Variants in FYN observed in about 807,000 individuals in gnomAD.
FYN encodes tyrosine-protein kinase Fyn.
Under a neutral mutation model 70.2 loss-of-function variants are expected in FYN, and 10 were observed. The observed-to-expected ratio is 0.14, with a 90% CI of 0.09 to 0.24. The LOEUF (loss-of-function observed/expected upper bound fraction) is 0.24. Among genes scored for constraint, FYN ranks in the 10% least tolerant of loss-of-function variants. The pLI, the probability that FYN is intolerant of heterozygous loss-of-function variation, is 1.00. For synonymous variants in FYN, 236 were observed against 248.6 expected, an observed-to-expected ratio of 0.95 and a Z score of 0.48; for missense variants, 319 against 673.1, an observed-to-expected ratio of 0.47 and a Z score of 5.82.
intron 4 of FYN, among the ~76,000 whole-genome samples, chr6:111,719,310 CAAAAAAA>C (rs770724122): frequency 5.6e-4 from 34 of 60,208 alleles, no homozygotes; most frequent in African/African-American, 8.4e-4. Context: ...AGGAAACTTC[CAAAAAAA>C]AAAAAAAAAG....
chr6:111,868,223 T>C (rs1468398080), intron 1 of FYN, among the ~76,000 whole-genome samples: 1 of 152,084 alleles, frequency 6.6e-6, no homozygotes, highest in African/African-American at 2.4e-5. Flanking sequence ...AGAGACTCCT[T>C]TATAGCTCTG....
chr6:111,732,447 C>T (rs1801507316), intron 3 of FYN, among the ~76,000 whole-genome samples: 1 of 152,204 alleles, frequency 6.6e-6, no homozygotes, highest in African/African-American at 2.4e-5. Context: ...GGCAATCTTG[C>T]AGCCCAAATC....
chr6:111,696,195 G>T, intron 10 of FYN, 82 bp downstream of exon 10: 1 of 1,194,906 alleles, frequency 8.4e-7, no homozygotes, highest in Non-Finnish European at 1.1e-6. Context: ...TAGAAAAGTA[G>T]CAAGTAGGAA....
intron 12 of FYN, among the ~76,000 whole-genome samples, chr6:111,680,526 C>CT (rs1203835213): frequency 6.6e-6 from 1 of 152,188 alleles, no homozygotes; most frequent in Admixed American, 6.5e-5. Context: ...TTCCCCTTGT[C>CT]TTTTAAAACA....
chr6:111,797,704 A>G (rs1378894840), intron 2 of FYN, among the ~76,000 whole-genome samples: 8 of 108,844 alleles, frequency 7.3e-5, no homozygotes, highest in African/African-American at 3.2e-4. Flanking sequence ...ATATATATAT[A>G]TATATATACA....
intron 13 of FYN, among the ~76,000 whole-genome samples, chr6:111,671,674 C>T (rs2237256): frequency 0.032 from 4,936 of 152,224 alleles, 116 homozygotes; most frequent in East Asian, 0.096. Context: ...GGCACAAAGA[C>T]GCAACGTGGG....
Position 111,823,197 on chromosome 6 carries a change from T to C in FYN, c.-82+23392A>G, listed in dbSNP as rs188994525. On this transcript the variant is annotated intron_variant, in intron 2 of 13. Coordinates refer to ENST00000354650, the MANE Select transcript of FYN (RefSeq NM_002037.5). ...GAATGGCAACCAACACTTGTGGCCA[T>C]AGGCTACAGGTGTGGGGACCCACAG... 4.5e-4 allele frequency among the ~76,000 whole-genome samples: 68 copies of C among 152,304 alleles called. 1 individual carries two copies. Among genetic ancestry groups the C allele is most frequent in the Middle Eastern group, 3.4e-3 (1 of 294 alleles).
At chr6:111,665,692 G>A (rs1223878671) in intron 13 of FYN, among the ~76,000 whole-genome samples, 1 of 151,980 alleles carries the variant, frequency 6.6e-6, no homozygotes, top group Non-Finnish European at 1.5e-5. Context: ...TGTGATCTCG[G>A]CTCACTGCAG....
intron 3 of FYN, among the ~76,000 whole-genome samples, chr6:111,772,625 G>A (rs1583429015): frequency 1.3e-5 from 2 of 152,200 alleles, no homozygotes; most frequent in African/African-American, 4.8e-5. Context: ...GGCAAAAGAT[G>A]TTTAACCTCC....
intron 3 of FYN, chr6:111,754,295 G>C (rs1802615631): frequency 6.6e-6 from 1 of 152,160 alleles, no homozygotes; most frequent in Admixed American, 6.5e-5. Context: ...GAGGGGTACT[G>C]TGCCCATGAC....
At chr6:111,734,563 C>G (rs1322522749) in intron 3 of FYN, among the ~76,000 whole-genome samples, 4 of 152,162 alleles carry the variant, frequency 2.6e-5, no homozygotes, top group Admixed American at 6.5e-5. Context: ...GTGGTCTTGA[C>G]CCTCCTCCCT....
intron 2 of FYN, among the ~76,000 whole-genome samples, chr6:111,832,114 C>A (rs1773035335): frequency 6.6e-6 from 1 of 152,088 alleles, no homozygotes; most frequent in African/African-American, 2.4e-5. Context: ...TGGTAAACAA[C>A]AATTATGCAA....
At chr6:111,699,801 G>T in intron 9 of FYN, 1 of 893,130 alleles carries the variant, frequency 1.1e-6, no homozygotes, top group East Asian at 2.7e-5. Flanking sequence ...GAAATGAAGA[G>T]CAAGATATTT....
At chr6:111,762,891 G>T (rs962192328) in intron 3 of FYN, among the ~76,000 whole-genome samples, 2 of 152,128 alleles carry the variant, frequency 1.3e-5, no homozygotes, top group African/African-American at 4.8e-5. Context: ...CTGGACACGG[G>T]TGAGAATCTC....
chr6:111,870,476 G>A (rs1774239046), intron 1 of FYN, among the ~76,000 whole-genome samples: 2 of 152,184 alleles, frequency 1.3e-5, no homozygotes, highest in African/African-American at 4.8e-5. Flanking sequence ...AATTGATACA[G>A]GTGTTGAGCA....
intron 8 of FYN, among the ~76,000 whole-genome samples, chr6:111,701,333 G>A (rs1474610259): frequency 6.6e-6 from 1 of 152,178 alleles, no homozygotes; most frequent in East Asian, 1.9e-4. Flanking sequence ...CTTGTGAGGT[G>A]GACAGACCTC....
chr6:111,811,787 T>A (rs1772333200), intron 2 of FYN, among the ~76,000 whole-genome samples: 1 of 152,102 alleles, frequency 6.6e-6, no homozygotes, highest in Admixed American at 6.6e-5. Context: ...ATGAAGAAGG[T>A]ATTGCTAGTC....
intron 2 of FYN, among the ~76,000 whole-genome samples, chr6:111,805,353 A>C (rs950486897): frequency 6.6e-6 from 1 of 152,204 alleles, no homozygotes; most frequent in Non-Finnish European, 1.5e-5. Context: ...CGTGAATTTC[A>C]GATACACAAT....
At chr6:111,737,686 G>A (rs1221855522) in intron 3 of FYN, among the ~76,000 whole-genome samples, 1 of 152,116 alleles carries the variant, frequency 6.6e-6, no homozygotes, top group Non-Finnish European at 1.5e-5. Context: ...ACTGGCCACT[G>A]GTGATCAACT....
Sources: gnomAD v4.1 joint callset for allele counts (sites outside exome capture counted in the v4.1 genomes callset) on GRCh38, gnomAD v4.1.1 for gene constraint, MANE v1.5 for transcripts, NCBI Gene and HGNC (gene_info 2026-07-23, HGNC 2026-07-21) for gene names.